FHIT: variants seen among roughly 807,000 people sequenced by gnomAD.
FHIT encodes the protein fragile histidine triad diadenosine triphosphatase, also known as bis(5'-adenosyl)-triphosphatase.
FHIT carries 19 observed loss-of-function variants against 17.9 expected under a neutral mutation model. The ratio of observed to expected loss-of-function variants is 1.06; its 90% confidence interval spans 0.74 to 1.56. The LOEUF (loss-of-function observed/expected upper bound fraction) is 1.56. Among genes scored for constraint, FHIT ranks in the 40% most tolerant of loss-of-function variants. FHIT has a pLI of 0.00. For missense variants in FHIT, 248 were observed against 189.2 expected (o/e 1.31, Z -1.82); for synonymous variants, 81 against 69.7 (o/e 1.16, Z -0.81).
chr3:61,079,586 T>C (rs554179495), intron 2 of FHIT, among the ~76,000 whole-genome samples: 6 of 152,222 alleles, frequency 3.9e-5, no homozygotes, highest in Non-Finnish European at 8.8e-5. Flanking sequence ...TACAAGTATA[T>C]ACTTTCTAAA....
At chr3:60,419,737 A>G (rs1702400131) in intron 5 of FHIT, among the ~76,000 whole-genome samples, 1 of 152,094 alleles carries the variant, frequency 6.6e-6, no homozygotes, top group Admixed American at 6.6e-5. Context: ...TGTCACTTTG[A>G]TGAAACCTAA....
intron 5 of FHIT, among the ~76,000 whole-genome samples, chr3:60,424,173 C>T (rs976452111): frequency 4.6e-5 from 7 of 152,098 alleles, no homozygotes; most frequent in Admixed American, 6.6e-5. Flanking sequence ...CTGATGAGAA[C>T]GCTGAAGTTC....
At chr3:60,118,624 T>G (rs1219466027) in intron 5 of FHIT, among the ~76,000 whole-genome samples, 4 of 151,932 alleles carry the variant, frequency 2.6e-5, no homozygotes, top group Non-Finnish European at 5.9e-5. Context: ...CACAGTGAAT[T>G]AACAAAAATA....
At chr3:61,133,636 C>T (rs180696027) in intron 2 of FHIT, among the ~76,000 whole-genome samples, 19 of 152,004 alleles carry the variant, frequency 1.2e-4, no homozygotes, top group Non-Finnish European at 2.8e-4. Flanking sequence ...CTGCTTTACT[C>T]GGGTTAAGTA....
intron 5 of FHIT, among the ~76,000 whole-genome samples, chr3:60,498,582 T>C (rs1390177198): frequency 6.6e-6 from 1 of 152,250 alleles, no homozygotes. Context: ...TGAATAATGA[T>C]GTTATTCGAC....
chr3:61,124,121 A>G (rs1476380338), intron 2 of FHIT, among the ~76,000 whole-genome samples: 1 of 152,232 alleles, frequency 6.6e-6, no homozygotes, highest in East Asian at 1.9e-4. Context: ...AACATGGCAC[A>G]CAGACATAAC....
At chr3:61,049,297 C>A (rs1263496182) in intron 2 of FHIT, among the ~76,000 whole-genome samples, 2 of 151,240 alleles carry the variant, frequency 1.3e-5, no homozygotes, top group African/African-American at 2.4e-5. Context: ...ATATGATAAA[C>A]AATTAATTTC....
At chr3:59,968,239 G>C (rs929417708) in intron 7 of FHIT, among the ~76,000 whole-genome samples, 27 of 152,134 alleles carry the variant, frequency 1.8e-4, no homozygotes, top group African/African-American at 6.5e-4. Context: ...AGGTCAGGGG[G>C]CCAAGACTCT....
chr3:60,232,758 C>A (rs956455184), intron 5 of FHIT, among the ~76,000 whole-genome samples: 1 of 152,124 alleles, frequency 6.6e-6, no homozygotes, highest in South Asian at 2.1e-4. Context: ...GACAAGGAGA[C>A]CTGAGTGATC....
At chr3:60,095,597 C>T (rs186415158) in intron 5 of FHIT, among the ~76,000 whole-genome samples, 117 of 152,264 alleles carry the variant, frequency 7.7e-4, no homozygotes, top group Non-Finnish European at 1.4e-3. Flanking sequence ...GTTCACAAGA[C>T]GACCAAGCAT....
At chr3:60,722,591 C>G (rs1194094915) in intron 4 of FHIT, among the ~76,000 whole-genome samples, 1 of 152,046 alleles carries the variant, frequency 6.6e-6, no homozygotes. Flanking sequence ...TAGTCTCCAC[C>G]TTGTAGATGC....
intron 8 of FHIT, among the ~76,000 whole-genome samples, chr3:59,817,098 TAGG>T (rs1280776785): frequency 1.3e-5 from 2 of 152,208 alleles, no homozygotes; most frequent in Non-Finnish European, 2.9e-5. Flanking sequence ...TCTTCGTAGA[TAGG>T]AGGTTTAGCA....
chr3:60,014,252 G>A, intron 5 of FHIT, 100 bp from the exon 6 acceptor site: 1 of 1,199,130 alleles, frequency 8.3e-7, no homozygotes, highest in East Asian at 2.4e-5. Flanking sequence ...ACCAGGGCCT[G>A]AACTCTCAAA....
At position 60,849,665 on chromosome 3, in the gene FHIT, C is replaced by A. The variant is rs184414810; in HGVS notation, c.-110-27654G>T. 3.6e-4 allele frequency among the ~76,000 whole-genome samples: 54 copies of A among 152,052 alleles called. 1 individual carries two copies. The highest frequency in any genetic ancestry group is 1.3e-3 in the African/African-American group (53 of 41,470). On this transcript the variant is annotated intron_variant, in intron 3 of 9. Coordinates refer to ENST00000492590, the MANE Select transcript of FHIT (RefSeq NM_002012.4). ...TTTACTTTGGTATCAAACAGACCTG[C>A]TTCTAAATGCCATTTCTGCCATTTA...
intron 5 of FHIT, among the ~76,000 whole-genome samples, chr3:60,431,629 C>T (rs1166143081): frequency 6.6e-6 from 1 of 152,192 alleles, no homozygotes; most frequent in Non-Finnish European, 1.5e-5. Context: ...TCTATCTTGT[C>T]CTCGGCTACA....
intron 4 of FHIT, among the ~76,000 whole-genome samples, chr3:60,795,914 T>C (rs1700965491): frequency 6.6e-6 from 1 of 152,198 alleles, no homozygotes; most frequent in African/African-American, 2.4e-5. Context: ...TTCATGCTGC[T>C]GATGAAGACA....
chr3:60,067,232 C>T (rs895536161), intron 5 of FHIT, among the ~76,000 whole-genome samples: 6 of 152,048 alleles, frequency 3.9e-5, no homozygotes, highest in Non-Finnish European at 1.5e-5. Context: ...AAAAATGGCA[C>T]TTATAGATAC....
At chr3:60,154,443 G>A (rs1417463455) in intron 5 of FHIT, among the ~76,000 whole-genome samples, 7 of 152,114 alleles carry the variant, frequency 4.6e-5, no homozygotes, top group Admixed American at 4.6e-4. Flanking sequence ...TCAACATATA[G>A]AAGCTAGAAA....
rs537586168 is a variant in FHIT, at chr3:60,929,267, C to A, written c.-110-107256G>T. 2.4e-3 allele frequency among the ~76,000 whole-genome samples: 373 copies of A among 152,260 alleles called. 5 individuals are homozygous for A. The highest frequency in any genetic ancestry group is 8.6e-3 in the African/African-American group (357 of 41,532). ...CACAGCCAATATCATACTGAATGGGCAAAAACTGGAAGCACTCCCTTTGAA... is the reference window on the plus strand; with the variant it reads ...CACAGCCAATATCATACTGAATGGGAAAAAACTGGAAGCACTCCCTTTGAA... On this transcript the variant is annotated intron_variant, in intron 3 of 9. Coordinates refer to ENST00000492590, the MANE Select transcript of FHIT (RefSeq NM_002012.4).
Sources: gnomAD v4.1 joint callset for allele counts (sites outside exome capture counted in the v4.1 genomes callset) on GRCh38, gnomAD v4.1.1 for gene constraint, MANE v1.5 for transcripts, NCBI Gene and HGNC (gene_info 2026-07-23, HGNC 2026-07-21) for gene names.